Variants in DYNC2H1 observed in about 807,000 individuals in gnomAD.
DYNC2H1 encodes dynein cytoplasmic 2 heavy chain 1.
In DYNC2H1, 410 loss-of-function variants were observed where a neutral mutation model predicts 570.0. The ratio of observed to expected loss-of-function variants is 0.72; its 90% CI spans 0.66 to 0.78. The LOEUF (loss-of-function observed/expected upper bound fraction) is 0.78, where lower values mean the gene tolerates loss of function less well. Among genes scored for constraint, DYNC2H1 ranks in the 30% least tolerant of loss-of-function variants. The pLI is 0.00. For synonymous variants in DYNC2H1, 1,688 were observed against 1,677.6 expected, an observed-to-expected ratio of 1.01 and a Z score of -0.15; for missense variants, 4,865 against 5,046.4, an observed-to-expected ratio of 0.96 and a Z score of 1.09.
intron 63 of DYNC2H1, among the ~76,000 whole-genome samples, chr11:103,236,760 T>C (rs533294391): frequency 1.8e-4 from 27 of 151,968 alleles, no homozygotes; most frequent in Non-Finnish European, 3.2e-4. Context: ...TGGCATTCTT[T>C]TGATGGCAAA....
chr11:103,461,082 A>G lies in DYNC2H1; in HGVS notation c.12648+4726A>G, dbSNP rs979852950. Among the ~76,000 whole-genome samples, 1 of 152,230 alleles carries G rather than the reference A, an allele frequency of 6.6e-6. No homozygotes were observed. The highest frequency in any genetic ancestry group is 1.5e-5 in the Non-Finnish European group (1 of 68,046). On this transcript the variant is annotated intron_variant, in intron 87 of 88. Transcript: ENST00000375735. The surrounding 1 kb of genome is among the most constrained non-coding windows in gnomAD (Gnocchi z 4.8). ...TCTCTCTGGTCCATTCATGTGAGCT[A>G]TAAAAGCACATTTTCTAACTTTCTC...
rs1307412468 is a variant in DYNC2H1 at position 103,177,859 on chromosome 11, T to A, written c.6139+39T>A. ...TATACTTCTTTGCTTTACTTAGTAATTCTTAGATAATGATATAATTTGTCT... is the reference window on the plus strand; with the variant it reads ...TATACTTCTTTGCTTTACTTAGTAAATCTTAGATAATGATATAATTTGTCT... On this transcript the variant is annotated intron_variant, in intron 38 of 88. Transcript: ENST00000375735. This position sits in a 1 kb window ranked among gnomAD's most constrained non-coding sequence, Gnocchi z 4.4. The A allele has an allele frequency of 6.4e-7, 1 of 1,560,740 alleles. No homozygotes were observed. Among genetic ancestry groups the A allele is most frequent in the South Asian group, 1.3e-5 (1 of 78,910 alleles).
At chr11:103,382,496 A>T (rs1409994921) in intron 83 of DYNC2H1, among the ~76,000 whole-genome samples, 1 of 152,228 alleles carries the variant, frequency 6.6e-6, no homozygotes, top group South Asian at 2.1e-4. Flanking sequence ...TTTAAAATTG[A>T]TAATTTCTTC....
At chr11:103,265,773 GTTCTTTCTCATCTT>G (rs1263077059) in intron 70 of DYNC2H1, among the ~76,000 whole-genome samples, 4 of 152,182 alleles carry the variant, frequency 2.6e-5, no homozygotes, top group Admixed American at 1.3e-4. Flanking sequence ...TCTTGGGCTG[GTTCTTTCTCATCTT>G]TTTGGGCCTA....
intron 81 of DYNC2H1, among the ~76,000 whole-genome samples, chr11:103,321,817 A>T (rs1050022365): frequency 1.3e-5 from 2 of 152,090 alleles, no homozygotes; most frequent in Non-Finnish European, 2.9e-5. Context: ...AAAAGATTTC[A>T]ATTTTGATTT....
At chr11:103,132,314 T>C (rs1859320955) in intron 13 of DYNC2H1, among the ~76,000 whole-genome samples, 1 of 152,146 alleles carries the variant, frequency 6.6e-6, no homozygotes, top group Non-Finnish European at 1.5e-5. Flanking sequence ...TTACTGTATT[T>C]TTCAGTTCTA....
At chr11:103,422,925 T>C (rs1296122119) in intron 84 of DYNC2H1, among the ~76,000 whole-genome samples, 2 of 152,144 alleles carry the variant, frequency 1.3e-5, no homozygotes, top group Admixed American at 1.3e-4. Context: ...CATGATCCTA[T>C]ATCTAGAAAA....
At chr11:103,383,105 G>GA (rs1941722559) in intron 83 of DYNC2H1, among the ~76,000 whole-genome samples, 2 of 152,190 alleles carry the variant, frequency 1.3e-5, no homozygotes, top group African/African-American at 4.8e-5. Context: ...TGATGTGTTT[G>GA]AGGGGGGGAT....
chr11:103,382,962 C>T (rs190613872), intron 83 of DYNC2H1, among the ~76,000 whole-genome samples: 1 of 152,322 alleles, frequency 6.6e-6, no homozygotes, highest in Admixed American at 6.5e-5. Flanking sequence ...TTGCAGGAAG[C>T]AGCTACCTCC....
intron 83 of DYNC2H1, among the ~76,000 whole-genome samples, chr11:103,392,032 A>G (rs1048628150): frequency 6.6e-6 from 1 of 152,228 alleles, no homozygotes; most frequent in Non-Finnish European, 1.5e-5. Context: ...GCTGTCAGAC[A>G]GGGACATTTA....
rs1565394197 is a variant in DYNC2H1 at position 103,204,920 on chromosome 11, C to T, written c.8410C>T (p.Gln2804Ter). 1.9e-6 allele frequency: 3 copies of T among 1,593,444 alleles called. No homozygotes were observed. The highest frequency in any genetic ancestry group is 2.6e-6 in the Non-Finnish European group (3 of 1,168,742). ...ESNPALHKKCQVLWMEGWSNS... is the reference protein window; with the variant it reads ...ESNPALHKKC ...TAATCCAGCTTTGCATAAGAAATGC[C>T]AGGTGTTGTGGATGGAGGGTTGGTC... The change falls in exon 52 of 89, where the codon CAG (glutamine) becomes TAG (stop). Residue 2804 changes from glutamine (Q) to a stop codon, truncating the protein, a stop_gained. Coordinates refer to ENST00000375735, the MANE Select transcript of DYNC2H1 (RefSeq NM_001377.3). LOFTEE classifies it high-confidence loss of function. This position sits in a 1 kb window ranked among gnomAD's most constrained non-coding sequence, Gnocchi z 4.1.
At chr11:103,348,691 A>T (rs1939885924) in intron 82 of DYNC2H1, among the ~76,000 whole-genome samples, 1 of 152,056 alleles carries the variant, frequency 6.6e-6, no homozygotes, top group Non-Finnish European at 1.5e-5. Flanking sequence ...TTGTTTATCC[A>T]TTTAGTCATT....
intron 85 of DYNC2H1, among the ~76,000 whole-genome samples, chr11:103,452,569 GAC>G (rs761866692): frequency 3.3e-5 from 5 of 151,598 alleles, no homozygotes; most frequent in Non-Finnish European, 7.4e-5. Context: ...AAGAGATACA[GAC>G]ATGTATGTGT....
At position 103,256,011 on chromosome 11, in the gene DYNC2H1, C is replaced by A; in HGVS notation, c.10327-95C>A. 1.9e-6 allele frequency: 2 copies of A among 1,077,790 alleles called. No individual in the cohort carries two copies. The highest frequency in any genetic ancestry group is 3.2e-5 in the Admixed American group (1 of 31,160). 66.8% of individuals were successfully genotyped at this position (1,077,790 alleles called of 1,614,324 possible). On this transcript the variant is annotated intron_variant, in intron 67 of 88. Coordinates refer to ENST00000375735, the MANE Select transcript of DYNC2H1 (RefSeq NM_001377.3). This position sits in a 1 kb window ranked among gnomAD's most constrained non-coding sequence, Gnocchi z 4.0. Reference sequence around the variant, plus strand: ...ATTCTTCTAAAATAACATAAGTTGCCATAAACATCAAATGAATGACAGTTA... The same window carrying A: ...ATTCTTCTAAAATAACATAAGTTGCAATAAACATCAAATGAATGACAGTTA...
At position 103,316,597 on chromosome 11, in the gene DYNC2H1, A is replaced by G; in HGVS notation, c.11702A>G (p.Asn3901Ser). Residue 3901 changes from asparagine (N) to serine (S), a missense_variant, in exon 80 of 89, where the codon AAC (asparagine) becomes AGC (serine). Physicochemically the swap from Asn to Ser is conservative, Grantham distance 46. Around this residue, in one of 5 missense-constraint regions of DYNC2H1, gnomAD observed 2,401 missense variants for 2,454.6 expected, o/e 0.98. Coordinates refer to ENST00000375735, the MANE Select transcript of DYNC2H1 (RefSeq NM_001377.3). The part of the protein sequence containing the change: ...FSLSDLRAGY[N>S]IIDRLFDGAK... The stretch of plus-strand genomic sequence containing the variant: ...TTATCAGATCTTCGGGCTGGGTACA[A>G]CATTATTGACAGACTTTTTGATGGT... The G allele has an allele frequency of 6.5e-7, 1 of 1,547,920 alleles. No individual in the cohort carries two copies. Among genetic ancestry groups the G allele is most frequent in the Non-Finnish European group, 8.7e-7 (1 of 1,148,812 alleles).
chr11:103,275,532 C>G lies in DYNC2H1; in HGVS notation c.10696-4816C>G, dbSNP rs1221915044. On this transcript the variant is annotated intron_variant, in intron 70 of 88. Transcript: ENST00000375735. This position sits in a 1 kb window ranked among gnomAD's most constrained non-coding sequence, Gnocchi z 4.8. ...CACTTAACCCCTGGCAAACGCTGAT[C>G]CTTTTACTGCCTATAGTTTTGCCTG... 4.6e-5 allele frequency among the ~76,000 whole-genome samples: 7 copies of G among 152,140 alleles called. No individual in the cohort carries two copies. The South Asian group carries it at 1.5e-3, about 32-fold the overall frequency.
intron 10 of DYNC2H1, among the ~76,000 whole-genome samples, chr11:103,121,905 T>A (rs1426809681): frequency 6.6e-6 from 1 of 152,122 alleles, no homozygotes; most frequent in Non-Finnish European, 1.5e-5. Flanking sequence ...GAGCCATAAT[T>A]GTGCCACAGT....
At chr11:103,365,858 G>A (rs1259727237) in intron 83 of DYNC2H1, among the ~76,000 whole-genome samples, 2 of 152,224 alleles carry the variant, frequency 1.3e-5, no homozygotes, top group Non-Finnish European at 2.9e-5. Context: ...GGACTAATCT[G>A]TAGCTTTTGT....
intron 83 of DYNC2H1, among the ~76,000 whole-genome samples, chr11:103,380,243 A>G (rs1365982553): frequency 6.6e-6 from 1 of 152,206 alleles, no homozygotes; most frequent in African/African-American, 2.4e-5. Flanking sequence ...CTACCTTTGT[A>G]CTGGTCTGAA....
Sources: allele counts gnomAD v4.1 joint callset (sites outside exome capture counted in the v4.1 genomes callset), GRCh38; gene constraint gnomAD v4.1.1; regional missense constraint gnomAD v4.1.1; non-coding constraint Gnocchi (gnomAD v3.1); transcripts MANE v1.5; gene names NCBI Gene and HGNC (gene_info 2026-07-23, HGNC 2026-07-21).